The following STPG2 variants were observed in gnomAD, a reference collection of about 807,000 sequenced individuals.
STPG2 encodes the protein sperm-tail PG-rich repeat-containing protein 2.
STPG2 carries 56 observed loss-of-function variants against 54.2 expected under a neutral mutation model. The observed-to-expected ratio is 1.03, with a 90% CI of 0.83 to 1.29. The LOEUF (loss-of-function observed/expected upper bound fraction) is 1.29. Among genes scored for constraint, STPG2 ranks in the 50% most tolerant of loss-of-function variants. STPG2 has a pLI of 0.00. For missense variants in STPG2, 596 were observed against 544.9 expected (o/e 1.09, Z -0.93); for synonymous variants, 200 against 181.8 (o/e 1.10, Z -0.81).
chr4:98,017,899 C>T (rs1277163583), intron 5 of STPG2, among the ~76,000 whole-genome samples: 3 of 152,062 alleles, frequency 2.0e-5, no homozygotes, highest in African/African-American at 7.2e-5. Flanking sequence ...TCTCCTGCTA[C>T]CTTGTGAAGA....
At chr4:97,851,047 T>C (rs1483791543) in intron 8 of STPG2, among the ~76,000 whole-genome samples, 1 of 152,180 alleles carries the variant, frequency 6.6e-6, no homozygotes, top group East Asian at 1.9e-4. Context: ...TGTTAATCCT[T>C]TGGGTCTCAA....
chr4:97,888,187 A>G (rs141585853), intron 8 of STPG2, among the ~76,000 whole-genome samples: 43 of 152,296 alleles, frequency 2.8e-4, no homozygotes, highest in African/African-American at 9.6e-4. Context: ...GGAGACCCCA[A>G]ACACAGGTTC....
At chr4:97,780,688 A>T (rs1726569501) in intron 9 of STPG2, among the ~76,000 whole-genome samples, 2 of 149,156 alleles carry the variant, frequency 1.3e-5, no homozygotes, top group East Asian at 3.9e-4. Flanking sequence ...GAAGTAAAGC[A>T]CTTCTCAGCA....
At chr4:97,652,248 C>A (rs886297121) in intron 10 of STPG2, among the ~76,000 whole-genome samples, 1 of 151,820 alleles carries the variant, frequency 6.6e-6, no homozygotes, top group African/African-American at 2.4e-5. Flanking sequence ...GCTAGCATGT[C>A]CTCTAACATG....
At chr4:97,860,999 T>C (rs1315085530) in intron 8 of STPG2, among the ~76,000 whole-genome samples, 1 of 152,040 alleles carries the variant, frequency 6.6e-6, no homozygotes. Context: ...ACAAATAGGA[T>C]CACATCAAGT....
intron 4 of STPG2, among the ~76,000 whole-genome samples, chr4:97,443,018 C>A (rs1186869952): frequency 6.6e-6 from 1 of 151,990 alleles, no homozygotes; most frequent in Non-Finnish European, 1.5e-5. Context: ...TCAGACATGG[C>A]AAAGAATAAC....
At chr4:97,962,470 C>T (rs920505560) in intron 7 of STPG2, among the ~76,000 whole-genome samples, 1 of 152,114 alleles carries the variant, frequency 6.6e-6, no homozygotes, top group Non-Finnish European at 1.5e-5. Flanking sequence ...TCAATTGATA[C>T]TGCAATTAAA....
chr4:97,834,551 G>C (rs1258475632), intron 9 of STPG2, among the ~76,000 whole-genome samples: 2 of 151,884 alleles, frequency 1.3e-5, no homozygotes, highest in East Asian at 3.9e-4. Context: ...CAGATAATCA[G>C]GCCAAATATA....
At chr4:97,957,322 G>A (rs1041616021) in intron 7 of STPG2, among the ~76,000 whole-genome samples, 2 of 151,550 alleles carry the variant, frequency 1.3e-5, no homozygotes, top group African/African-American at 2.4e-5. Flanking sequence ...ACAAGCAGAA[G>A]AAGGAACTTG....
chr4:97,583,721 T>C (rs1319412452), intron 10 of STPG2, among the ~76,000 whole-genome samples: 1 of 151,952 alleles, frequency 6.6e-6, no homozygotes, highest in East Asian at 1.9e-4. Context: ...TGAGCAGGTA[T>C]AGCTATTTTT....
intron 9 of STPG2, among the ~76,000 whole-genome samples, chr4:97,830,813 G>A (rs1169808541): frequency 2.0e-5 from 3 of 152,156 alleles, no homozygotes; most frequent in African/African-American, 4.8e-5. Context: ...AATGCAACAA[G>A]AAGAGCTAAT....
intron 4 of STPG2, chr4:97,441,521 C>A (rs765333846): frequency 6.6e-6 from 1 of 151,920 alleles, no homozygotes; most frequent in Non-Finnish European, 1.5e-5. Flanking sequence ...ATAGATATTA[C>A]CTTTGGACTA....
At chr4:97,583,501 T>C (rs977144768) in intron 10 of STPG2, among the ~76,000 whole-genome samples, 15 of 151,944 alleles carry the variant, frequency 9.9e-5, no homozygotes, top group African/African-American at 3.6e-4. Flanking sequence ...TATTTTCACA[T>C]GAACTGACAG....
intron 5 of STPG2, among the ~76,000 whole-genome samples, chr4:98,077,515 C>A (rs945590894): frequency 5.5e-4 from 84 of 152,140 alleles, no homozygotes; most frequent in Non-Finnish European, 9.8e-4. Context: ...GGATTACAGG[C>A]ATGAGCCACC....
intron 5 of STPG2, among the ~76,000 whole-genome samples, chr4:98,069,795 C>A (rs946817037): frequency 9.2e-5 from 14 of 151,960 alleles, no homozygotes; most frequent in Non-Finnish European, 7.4e-5. Context: ...GAGACACCAC[C>A]TCCACCAAAA....
rs144716491 is a variant in STPG2 at position 97,677,498 on chromosome 4, T to G, written c.1320+35201A>C. On this transcript the variant is annotated intron_variant, in intron 10 of 10. Transcript: ENST00000295268. ...AACATATATGGCAGAGACTGCTAAT[T>G]TTAATATTCCTGCTTTTAACTGGCC... 2.0e-3 allele frequency among the ~76,000 whole-genome samples: 307 copies of G among 152,316 alleles called. 1 individual carries two copies. Among genetic ancestry groups the G allele is most frequent in the African/African-American group, 6.9e-3 (288 of 41,576 alleles).
At chr4:97,454,553 A>AAAAAG (rs1729466768) in intron 4 of STPG2, among the ~76,000 whole-genome samples, 1 of 143,654 alleles carries the variant, frequency 7.0e-6, no homozygotes, top group Non-Finnish European at 1.5e-5. Flanking sequence ...AAAAAAAAAA[A>AAAAAG]AAAAGAAAAG....
At chr4:97,848,182 G>A (rs1729027957) in intron 8 of STPG2, among the ~76,000 whole-genome samples, 1 of 152,150 alleles carries the variant, frequency 6.6e-6, no homozygotes, top group Admixed American at 6.5e-5. Flanking sequence ...AGTTCAAGTA[G>A]TATCTCTTTC....
chr4:97,932,669 A>T (rs1460405245), intron 8 of STPG2, among the ~76,000 whole-genome samples: 1 of 152,188 alleles, frequency 6.6e-6, no homozygotes. Context: ...TTCCAGCTCC[A>T]TCCATGCACC....
Sources: allele counts gnomAD v4.1 joint callset (sites outside exome capture counted in the v4.1 genomes callset), GRCh38; gene constraint gnomAD v4.1.1; transcripts MANE v1.5; gene names NCBI Gene and HGNC (gene_info 2026-07-23, HGNC 2026-07-21).